Variants in WDR72 observed in about 807,000 individuals in gnomAD.
WDR72 encodes the protein WD repeat domain 72, also known as WD repeat-containing protein 72.
A neutral mutation model predicts 124.2 loss-of-function variants in WDR72; 120 were observed. The observed-to-expected ratio is 0.97, with a 90% CI of 0.83 to 1.12. The LOEUF (loss-of-function observed/expected upper bound fraction) is 1.12. Ranked by LOEUF, WDR72 falls within the 50% of genes most tolerant of loss-of-function variation. WDR72 has a pLI of 0.00. For missense variants in WDR72, 1,387 were observed against 1,278.8 expected (o/e 1.08, Z -1.29); for synonymous variants, 452 against 441.7 (o/e 1.02, Z -0.29).
chr15:53,646,317 G>A (rs866351620), intron 14 of WDR72, among the ~76,000 whole-genome samples: 4 of 151,860 alleles, frequency 2.6e-5, no homozygotes, highest in Admixed American at 1.3e-4. Context: ...TAAAACCCCC[G>A]TAACTCATAT....
intron 18 of WDR72, among the ~76,000 whole-genome samples, chr15:53,541,607 C>G (rs1475502848): frequency 6.6e-6 from 1 of 151,952 alleles, no homozygotes; most frequent in African/African-American, 2.4e-5. Flanking sequence ...CAAAGGAACG[C>G]AGTTCCTCAC....
At chr15:53,712,335 C>T (rs187407673) in intron 7 of WDR72, among the ~76,000 whole-genome samples, 2 of 152,228 alleles carry the variant, frequency 1.3e-5, no homozygotes, top group African/African-American at 4.8e-5. Flanking sequence ...CAGTGGCTCA[C>T]GCCTGTAATC....
rs192396542 is a variant in WDR72, at chr15:53,674,883, A to G, written c.1766-9115T>C. Among the ~76,000 whole-genome samples, 480 of 152,204 alleles carry G rather than the reference A, an allele frequency of 3.2e-3. 2 individuals are homozygous for G. Among genetic ancestry groups the G allele is most frequent in the African/African-American group, 0.011 (466 of 41,532 alleles). On this transcript the variant is annotated intron_variant, in intron 13 of 19. Coordinates refer to ENST00000360509, the MANE Select transcript of WDR72 (RefSeq NM_182758.4). ...TGGGCCACATTCAACCCTCACGTCT[A>G]ATTCTGACCACAGACCTCCAGAAAA...
intron 1 of WDR72, among the ~76,000 whole-genome samples, chr15:53,739,797 G>GTGAT (rs1366596364): frequency 6.6e-6 from 1 of 152,282 alleles, no homozygotes; most frequent in African/African-American, 2.4e-5. Flanking sequence ...GAATTAAATA[G>GTGAT]TGATACACAA....
chr15:53,701,382 A>G (rs2017168548), intron 12 of WDR72, among the ~76,000 whole-genome samples: 1 of 152,098 alleles, frequency 6.6e-6, no homozygotes, highest in Admixed American at 6.6e-5. Context: ...TTTCTACAAA[A>G]ACAAAAATAA....
At chr15:53,663,987 G>T (rs549872932) in intron 14 of WDR72, among the ~76,000 whole-genome samples, 4 of 151,892 alleles carry the variant, frequency 2.6e-5, no homozygotes, top group African/African-American at 9.7e-5. Flanking sequence ...AAGAAAAAAA[G>T]CTGTCACCTA....
chr15:53,523,924 A>G (rs1179216667), intron 18 of WDR72, among the ~76,000 whole-genome samples: 1 of 152,098 alleles, frequency 6.6e-6, no homozygotes, highest in Non-Finnish European at 1.5e-5. Context: ...ACAACCTATC[A>G]TGAGATATTG....
intron 14 of WDR72, among the ~76,000 whole-genome samples, chr15:53,649,492 G>A (rs778243793): frequency 6.6e-6 from 1 of 152,018 alleles, no homozygotes; most frequent in African/African-American, 2.4e-5. Flanking sequence ...CCTATCTTAA[G>A]TCTGTATTGG....
intron 18 of WDR72, among the ~76,000 whole-genome samples, chr15:53,555,610 A>C (rs1893901002): frequency 1.3e-5 from 2 of 151,960 alleles, no homozygotes; most frequent in Admixed American, 6.6e-5. Context: ...TAATATAGCA[A>C]ACCAGCTAAT....
chr15:53,609,319 T>C (rs576912720), intron 17 of WDR72, among the ~76,000 whole-genome samples, 194 bp downstream of exon 17: 3 of 152,266 alleles, frequency 2.0e-5, no homozygotes, highest in South Asian at 2.1e-4. Flanking sequence ...GCCCCGGGCA[T>C]TCACGCTCCC....
chr15:53,682,876 C>T (rs1055238467), intron 13 of WDR72, among the ~76,000 whole-genome samples: 1 of 152,120 alleles, frequency 6.6e-6, no homozygotes, highest in Non-Finnish European at 1.5e-5. Context: ...TCTGTTTTCA[C>T]ACTGCTATAA....
intron 14 of WDR72, among the ~76,000 whole-genome samples, chr15:53,639,544 TTTTA>T (rs371510090): frequency 0.053 from 7,716 of 146,896 alleles, 324 homozygotes; most frequent in Non-Finnish European, 0.072. Context: ...TTATATATAA[TTTTA>T]TTTATTTATA....
intron 18 of WDR72, among the ~76,000 whole-genome samples, chr15:53,561,472 A>C (rs1894122640): frequency 6.6e-6 from 1 of 151,844 alleles, no homozygotes; most frequent in Non-Finnish European, 1.5e-5. Flanking sequence ...AAATAAGTGC[A>C]TACTTTGCTG....
intron 19 of WDR72, 70 bp downstream of exon 19, chr15:53,523,148 C>T (rs1891890146): frequency 2.1e-6 from 3 of 1,433,132 alleles, no homozygotes; most frequent in South Asian, 1.1e-5. Flanking sequence ...TCCCCTCACC[C>T]CCTTCCAAGG....
intron 18 of WDR72, among the ~76,000 whole-genome samples, chr15:53,549,258 C>T (rs1030660936): frequency 5.3e-5 from 8 of 152,188 alleles, no homozygotes; most frequent in East Asian, 3.9e-4. Flanking sequence ...TAATTACAGT[C>T]GCATGTGATG....
At chr15:53,675,719 G>A (rs2016149380) in intron 13 of WDR72, among the ~76,000 whole-genome samples, 1 of 152,102 alleles carries the variant, frequency 6.6e-6, no homozygotes, top group African/African-American at 2.4e-5. Context: ...TATGCTTCTG[G>A]TGTCAATTAA....
intron 18 of WDR72, among the ~76,000 whole-genome samples, chr15:53,574,922 C>T (rs1450194097): frequency 6.6e-6 from 1 of 151,564 alleles, no homozygotes; most frequent in Non-Finnish European, 1.5e-5. Context: ...AACTCCCGTA[C>T]CAAGCCCTCA....
intron 17 of WDR72, among the ~76,000 whole-genome samples, chr15:53,598,444 C>T (rs1404097469): frequency 6.6e-6 from 1 of 151,864 alleles, no homozygotes; most frequent in East Asian, 2.0e-4. Context: ...CCTAGAGATG[C>T]TTTGGCCAAA....
chr15:53,704,232 A>G (rs997441917), intron 11 of WDR72, among the ~76,000 whole-genome samples: 12 of 152,246 alleles, frequency 7.9e-5, no homozygotes, highest in African/African-American at 2.9e-4. Flanking sequence ...AAGTTCAATT[A>G]TTACTAATTA....
Sources: allele counts gnomAD v4.1 joint callset (sites outside exome capture counted in the v4.1 genomes callset), GRCh38; gene constraint gnomAD v4.1.1; transcripts MANE v1.5; gene names NCBI Gene and HGNC (gene_info 2026-07-23, HGNC 2026-07-21).